RMST: variants seen among roughly 807,000 people sequenced by gnomAD.
RMST encodes the protein long intergenic non-protein coding RNA 54.
At chr12:97,525,413 T>C (rs1027142631) in intron 10 of RMST, among the ~76,000 whole-genome samples, 16 of 152,178 alleles carry the variant, frequency 1.1e-4, no homozygotes, top group Admixed American at 6.5e-5. Context: ...GGAAGAGTTT[T>C]TATAAATGAA....
chr12:97,507,861 A>G (rs1197444636), intron 10 of RMST, among the ~76,000 whole-genome samples: 1 of 152,200 alleles, frequency 6.6e-6, no homozygotes, highest in African/African-American at 2.4e-5. Context: ...GCAGCTGGGC[A>G]CTTGGCAAGC....
At chr12:97,486,555 G>A (rs747325287) in intron 5 of RMST, among the ~76,000 whole-genome samples, 12 of 152,132 alleles carry the variant, frequency 7.9e-5, no homozygotes, top group African/African-American at 1.2e-4. Flanking sequence ...TGTAAATTTC[G>A]AACCAGAATA....
intron 11 of RMST, among the ~76,000 whole-genome samples, chr12:97,544,635 A>C (rs913088955): frequency 1.3e-5 from 2 of 152,012 alleles, no homozygotes; most frequent in African/African-American, 2.4e-5. Flanking sequence ...TTACCTATCA[A>C]TTTCCTTGAA....
intron 5 of RMST, among the ~76,000 whole-genome samples, chr12:97,490,258 C>T (rs1435292861): frequency 1.3e-5 from 2 of 152,168 alleles, no homozygotes; most frequent in Non-Finnish European, 2.9e-5. Context: ...AAAAACACCA[C>T]TTTTTAATTT....
chr12:97,496,115 T>C (rs1047114392), intron 10 of RMST: 1 of 152,196 alleles, frequency 6.6e-6, no homozygotes, highest in Non-Finnish European at 1.5e-5. Flanking sequence ...CGGTCTAATT[T>C]CTCTTGTTTG....
intron 10 of RMST, among the ~76,000 whole-genome samples, chr12:97,508,736 T>C (rs1351823504): frequency 2.0e-5 from 3 of 152,144 alleles, no homozygotes; most frequent in African/African-American, 7.2e-5. Flanking sequence ...GTAGAGGAAA[T>C]CTATTGATTA....
intron 11 of RMST, among the ~76,000 whole-genome samples, chr12:97,534,936 G>A (rs1351753462): frequency 6.6e-6 from 1 of 151,646 alleles, no homozygotes; most frequent in Non-Finnish European, 1.5e-5. Context: ...TAATTTTACA[G>A]AAATTTAGAG....
At position 97,510,489 on chromosome 12, in the gene RMST, C is replaced by T. The variant is rs567961465; in HGVS notation, n.1340+14433C>T. ...GACCATTACGTGCTCTTATTTAATA[C>T]GAAAGTAAATTTTCATGATAGTTTA... is the stretch of plus-strand genomic sequence containing the variant. On this transcript the variant is annotated intron_variant and non_coding_transcript_variant, in intron 10 of 13. Transcript: ENST00000640149. 3.2e-4 allele frequency among the ~76,000 whole-genome samples: 49 copies of T among 152,208 alleles called. No individual in the cohort carries two copies. The South Asian group carries it at 9.3e-3, about 29-fold the overall frequency.
intron 5 of RMST, among the ~76,000 whole-genome samples, chr12:97,491,464 C>T (rs1876802547): frequency 6.6e-6 from 1 of 152,156 alleles, no homozygotes. Flanking sequence ...GTAAATATTT[C>T]CTCCAAAATG....
intron 5 of RMST, among the ~76,000 whole-genome samples, chr12:97,466,859 A>T (rs1447580613): frequency 6.6e-6 from 1 of 152,082 alleles, no homozygotes; most frequent in East Asian, 1.9e-4. Context: ...TCTCAGCTCA[A>T]GCAATTGCAT....
At chr12:97,540,927 T>C in intron 11 of RMST, among the ~76,000 whole-genome samples, 1 of 139,944 alleles carries the variant, frequency 7.1e-6, no homozygotes, top group East Asian at 2.0e-4. Context: ...GATAGATAAA[T>C]AGATAGAGAG....
In RMST at chr12:97,526,650, GGTAA is replaced by G. The variant is rs138404483; in HGVS notation, n.1341-4000_1341-3997del. Among the ~76,000 whole-genome samples, 1,129 of 152,176 alleles carry G rather than the reference GGTAA, an allele frequency of 7.4e-3. 12 individuals are homozygous for G. The highest frequency in any genetic ancestry group is 0.026 in the African/African-American group (1,068 of 41,524). On this transcript the variant is annotated intron_variant and non_coding_transcript_variant, in intron 10 of 13. Transcript: ENST00000640149. The stretch of plus-strand genomic sequence containing the variant: ...TAATTGAAAATAATATTTGCTATGT[GGTAA>G]GTAATTTATAAGTATACATTTAATT...
At chr12:97,516,161 A>C (rs910443491) in intron 10 of RMST, among the ~76,000 whole-genome samples, 8 of 152,064 alleles carry the variant, frequency 5.3e-5, no homozygotes, top group African/African-American at 1.9e-4. Context: ...TCTTTTTATC[A>C]TATATCTTGA....
At chr12:97,465,188 T>C (rs1330019395) in intron 4 of RMST, 2 of 152,180 alleles carry the variant, frequency 1.3e-5, no homozygotes, top group African/African-American at 2.4e-5. Flanking sequence ...GTTTGTCTGA[T>C]GGTATTGGGA....
At chr12:97,494,166 G>C (rs1012564020) in intron 8 of RMST, among the ~76,000 whole-genome samples, 1 of 152,118 alleles carries the variant, frequency 6.6e-6, no homozygotes, top group Non-Finnish European at 1.5e-5. Flanking sequence ...TCTGTCCCCA[G>C]GTAGCATTTG....
intron 10 of RMST, among the ~76,000 whole-genome samples, chr12:97,516,911 A>G (rs2136536819): frequency 6.6e-6 from 1 of 152,164 alleles, no homozygotes; most frequent in African/African-American, 2.4e-5. Context: ...TAAATACCTA[A>G]CATTTACAAT....
intron 11 of RMST, chr12:97,533,219 A>G (rs1024009158): frequency 1.3e-5 from 2 of 151,830 alleles, no homozygotes; most frequent in Non-Finnish European, 2.9e-5. Context: ...ATCTCTGTAC[A>G]CTGAAAATGC....
At chr12:97,525,030 G>T (rs1001011671) in intron 10 of RMST, among the ~76,000 whole-genome samples, 1 of 152,168 alleles carries the variant, frequency 6.6e-6, no homozygotes, top group Non-Finnish European at 1.5e-5. Context: ...TCTAAAGGAT[G>T]CCTTGAGAGT....
At chr12:97,554,152 C>A in intron 11 of RMST, among the ~76,000 whole-genome samples, 1 of 151,822 alleles carries the variant, frequency 6.6e-6, no homozygotes, top group East Asian at 1.9e-4. Flanking sequence ...CAGGGTTTTG[C>A]CATGTTGGTC....
Sources: allele counts gnomAD v4.1 joint callset (sites outside exome capture counted in the v4.1 genomes callset), GRCh38; gene constraint gnomAD v4.1.1; transcripts MANE v1.5; gene names NCBI Gene and HGNC (gene_info 2026-07-23, HGNC 2026-07-21).